The following NFKBIZ variants were observed in gnomAD, a reference collection of about 807,000 sequenced individuals.
NFKBIZ encodes the protein NF-kappa-B inhibitor zeta.
NFKBIZ carries 19 observed loss-of-function variants against 76.8 expected under a neutral mutation model. That is an observed-to-expected ratio of 0.25 (90% confidence interval 0.17 to 0.36). The LOEUF is 0.36. Among genes scored for constraint, NFKBIZ ranks in the 10% least tolerant of loss-of-function variants. The pLI is 1.00. For synonymous variants in NFKBIZ, 368 were observed against 354.8 expected (o/e 1.04, Z -0.42); for missense variants, 829 against 910.9 (o/e 0.91, Z 1.16).
Position 101,853,679 on chromosome 3 carries a change from A to G in NFKBIZ, c.1153A>G (p.Met385Val), listed in dbSNP as rs746179334. 3.1e-6 allele frequency: 5 copies of G among 1,614,254 alleles called. No homozygotes were observed. Among genetic ancestry groups the G allele is most frequent in the South Asian group, 2.2e-5 (2 of 91,088 alleles). The change falls in exon 5 of 12, where the codon ATG (methionine) becomes GTG (valine). Residue 385 changes from methionine (M) to valine (V), a missense_variant. Physicochemically the swap from Met to Val is conservative, Grantham distance 21. Transcript: ENST00000326172. Reference sequence around the variant, plus strand: ...GATGCCCAGCAGCGCCTGTGAGGCCATGGTGGGGCACGAGATGGCCTCTGA... The same window carrying G: ...GATGCCCAGCAGCGCCTGTGAGGCCGTGGTGGGGCACGAGATGGCCTCTGA... ...SMMPSSACEA[M>V]VGHEMASDSS...
Position 101,853,457 on chromosome 3 carries a change from A to C in NFKBIZ, c.931A>C (p.Ser311Arg). The C allele has an allele frequency of 6.2e-7, 1 of 1,614,226 alleles. No individual in the cohort carries two copies. Among genetic ancestry groups the C allele is most frequent in the Non-Finnish European group, 8.5e-7 (1 of 1,180,042 alleles). Residue 311 changes from serine to arginine, a missense_variant, in exon 5 of 12, where the codon AGT (serine) becomes CGT (arginine). This residue lies in a region of NFKBIZ where 371 missense variants were observed against 332.3 expected (regional missense o/e 1.12). Coordinates refer to ENST00000326172, the MANE Select transcript of NFKBIZ (RefSeq NM_031419.4). Reference sequence around the variant, plus strand: ...CACCCACAAACCAACTCTGGAATACAGTCCTTTTCCCATACCTCCCCAGTC... The same window carrying C: ...CACCCACAAACCAACTCTGGAATACCGTCCTTTTCCCATACCTCCCCAGTC... The part of the protein sequence containing the change: ...HYTHKPTLEY[S>R]PFPIPPQSPA...
rs533730856 is a variant in NFKBIZ at position 101,843,797 on chromosome 3, T to C, written c.-11-8288T>C. ...TGGAAATTATTAGTTAATTGAGTTATGCAAATTTTCTAAATGTTGCCACAT... is the reference window on the plus strand; with the variant it reads ...TGGAAATTATTAGTTAATTGAGTTACGCAAATTTTCTAAATGTTGCCACAT... On this transcript the variant is annotated intron_variant, in intron 2 of 12. Coordinates refer to the NFKBIZ transcript ENST00000394054. 5.9e-5 allele frequency among the ~76,000 whole-genome samples: 9 copies of C among 152,356 alleles called. No individual in the cohort carries two copies. The East Asian group carries it at 1.5e-3, about 26-fold the overall frequency.
upstream of NFKBIZ, among the ~76,000 whole-genome samples, chr3:101,847,461 G>A (rs763228742): frequency 1.3e-5 from 2 of 152,202 alleles, no homozygotes; most frequent in African/African-American, 2.4e-5. Flanking sequence ...ATTGCTTAAC[G>A]ATGCTACATT....
In NFKBIZ at chr3:101,849,910, C is replaced by A; in HGVS notation, c.282C>A (p.Arg94=). The A allele has an allele frequency of 7.0e-7, 1 of 1,423,812 alleles. No homozygotes were observed. The highest frequency in any genetic ancestry group is 9.1e-7 in the Non-Finnish European group (1 of 1,096,854). The allele number at this position is 1,423,812 out of a possible 1,614,324, so 88.2% of individuals were successfully genotyped here. The change falls in exon 1 of 12, where the codon CGC becomes CGA. Residue 94 remains arginine, a synonymous_variant. Transcript: ENST00000326172. ...SRSRGGARAE[R]QPVEPHMGVG... The stretch of plus-strand genomic sequence containing the variant: ...CGAGAGGCGGCGCCCGCGCCGAGCG[C>A]CAGCCAGGTACCCGCCGGCCCCGCA...
upstream of NFKBIZ, among the ~76,000 whole-genome samples, chr3:101,847,222 C>T (rs1439038057): frequency 1.3e-5 from 2 of 152,224 alleles, no homozygotes; most frequent in East Asian, 3.8e-4. Context: ...TTAATCCAGT[C>T]GAATTGACAC....
intron 2 of NFKBIZ, among the ~76,000 whole-genome samples, chr3:101,838,055 T>C (rs1942745145): frequency 6.6e-6 from 1 of 152,232 alleles, no homozygotes; most frequent in Non-Finnish European, 1.5e-5. Flanking sequence ...GAAAGTGCTC[T>C]GGGAGAAAAA....
intron 2 of NFKBIZ, among the ~76,000 whole-genome samples, chr3:101,842,592 C>CTTTTTT (rs573749526): frequency 4.6e-5 from 6 of 130,336 alleles, no homozygotes; most frequent in African/African-American, 8.5e-5. Flanking sequence ...CTTTTCTTTT[C>CTTTTTT]TTTTTTTTTT....
At chr3:101,849,471 C>A, upstream of NFKBIZ, 1 of 562,596 alleles carries the variant, frequency 1.8e-6, no homozygotes, top group Non-Finnish European at 2.6e-6. Flanking sequence ...GGTCGGCGAG[C>A]GCTGCGGCCC....
intron 2 of NFKBIZ, among the ~76,000 whole-genome samples, chr3:101,835,938 A>G (rs1942715113): frequency 3.3e-5 from 5 of 152,148 alleles, no homozygotes; most frequent in Admixed American, 2.6e-4. Context: ...ACTTCTAGCT[A>G]CTCTTAAACA....
chr3:101,829,308 G>A (rs1942610829), intron 1 of NFKBIZ, among the ~76,000 whole-genome samples: 1 of 152,184 alleles, frequency 6.6e-6, no homozygotes, highest in South Asian at 2.1e-4. Flanking sequence ...ACATTTGGCA[G>A]CATCCTCTCC....
chr3:101,845,587 C>A (rs1344376060), upstream of NFKBIZ, among the ~76,000 whole-genome samples: 1 of 152,182 alleles, frequency 6.6e-6, no homozygotes, highest in African/African-American at 2.4e-5. Flanking sequence ...CAGGCGTGAG[C>A]CACTGCACCC....
chr3:101,840,883 T>C (rs150285963), intron 2 of NFKBIZ, among the ~76,000 whole-genome samples: 1 of 152,308 alleles, frequency 6.6e-6, no homozygotes, highest in African/African-American at 2.4e-5. Context: ...GAGGACAAAG[T>C]GGTATATGGC....
chr3:101,849,669 A>T lies in NFKBIZ; in HGVS notation c.41A>T (p.Glu14Val). 1 of 1,402,848 alleles carries T rather than the reference A, an allele frequency of 7.1e-7. No homozygotes were observed. The highest frequency in any genetic ancestry group is 9.2e-7 in the Non-Finnish European group (1 of 1,087,426). The allele number at this position is 1,402,848 out of a possible 1,614,324, so 86.9% of individuals were successfully genotyped here. A position where few individuals can be genotyped will look rare whatever the true frequency, so the allele number is the denominator to read the frequency against. Residue 14 changes from glutamate to valine, a missense_variant, in exon 1 of 12, where the codon GAG becomes GTG. Glu to Val is a moderately radical substitution (Grantham distance 121, BLOSUM62 -2). Coordinates refer to ENST00000326172, the MANE Select transcript of NFKBIZ (RefSeq NM_031419.4). ...CTGCTGGACGACAGCCGCGGCGGAG[A>T]GGGGCTGCGGGACGCGGCGGGCGGC... ...DKLLDDSRGG[E>V]GLRDAAGGCG...
At chr3:101,832,753 TC>T (rs1287823198) in intron 2 of NFKBIZ, among the ~76,000 whole-genome samples, 1 of 152,228 alleles carries the variant, frequency 6.6e-6, no homozygotes, top group Non-Finnish European at 1.5e-5. Flanking sequence ...CTTTTGGCTA[TC>T]ATGAATAATG....
chr3:101,852,861 A>G, intron 3 of NFKBIZ, 25 bp from the exon 4 acceptor site: 1 of 1,606,120 alleles, frequency 6.2e-7, no homozygotes, highest in African/African-American at 1.3e-5. Context: ...AAATGATGAC[A>G]GAGGCTGTAT....
intron 2 of NFKBIZ, among the ~76,000 whole-genome samples, chr3:101,833,169 TG>T (rs1560081856): frequency 1.3e-5 from 2 of 152,232 alleles, no homozygotes; most frequent in African/African-American, 4.8e-5. Context: ...CAGATCTTTT[TG>T]GAAATTTGGA....
At chr3:101,857,508 A>G in intron 11 of NFKBIZ, 49 bp downstream of exon 11, 5 of 1,609,128 alleles carry the variant, frequency 3.1e-6, no homozygotes, top group Non-Finnish European at 4.2e-6. Context: ...CTGCAGTCTG[A>G]AACAGAAAGG....
intron 2 of NFKBIZ, among the ~76,000 whole-genome samples, chr3:101,841,007 C>T (rs1265583769): frequency 6.6e-6 from 1 of 152,208 alleles, no homozygotes; most frequent in East Asian, 1.9e-4. Flanking sequence ...ACATACTATA[C>T]ATACAGTACT....
chr3:101,858,249 C>T, intron 11 of NFKBIZ: 1 of 977,318 alleles, frequency 1.0e-6, no homozygotes, highest in Non-Finnish European at 1.2e-6. Flanking sequence ...GTCATTATGA[C>T]CATAATGTTA....
Sources: gnomAD v4.1 joint callset for allele counts (sites outside exome capture counted in the v4.1 genomes callset) on GRCh38, gnomAD v4.1.1 for gene constraint, gnomAD v4.1.1 regional missense constraint, MANE v1.5 for transcripts, NCBI Gene and HGNC (gene_info 2026-07-23, HGNC 2026-07-21) for gene names.